Variants in CDC42SE2 observed in about 807,000 individuals in gnomAD.
CDC42SE2 encodes CDC42 small effector protein 2.
Under a neutral mutation model 11.5 loss-of-function variants are expected in CDC42SE2, and 3 were observed. The ratio of observed to expected loss-of-function variants is 0.26; its 90% CI spans 0.12 to 0.67. The LOEUF is 0.67. Ranked by LOEUF, CDC42SE2 falls within the 30% of genes least tolerant of loss-of-function variation. CDC42SE2 has a pLI of 0.80. For missense variants in CDC42SE2, 82 were observed against 106.8 expected, an observed-to-expected ratio of 0.77 and a Z score of 1.02; for synonymous variants, 33 against 34.8, an observed-to-expected ratio of 0.95 and a Z score of 0.18.
intron 1 of CDC42SE2, among the ~76,000 whole-genome samples, chr5:131,304,757 A>G (rs1757748419): frequency 6.6e-6 from 1 of 152,120 alleles, no homozygotes; most frequent in Non-Finnish European, 1.5e-5. Context: ...TAGCATTGAG[A>G]TATACTTTTG....
rs1187782232 is a variant in CDC42SE2 at position 131,393,080 on chromosome 5, G to C, written c.*1989G>C. ...GGTGTTAAGCCAGAGTCAGTGGTTT[G>C]TGTTCTCATTAAAATGTTTGTTTAA... On this transcript the variant is annotated 3_prime_UTR_variant, in exon 5 of 5. Coordinates refer to ENST00000505065, the MANE Select transcript of CDC42SE2 (RefSeq NM_001375635.1). The C allele has an allele frequency of 6.6e-6, 1 of 152,340 alleles. No individual in the cohort carries two copies. 9.4% of individuals were successfully genotyped at this position (152,340 alleles called of 1,614,324 possible).
chr5:131,266,622 A>AT lies in CDC42SE2; in HGVS notation c.-455+2462dup, dbSNP rs578090054. Among the ~76,000 whole-genome samples the AT allele has an allele frequency of 2.4e-3, 370 of 151,438 alleles. 7 individuals carry two copies. The highest frequency in any genetic ancestry group is 0.02 in the Admixed American group (305 of 15,204). ...TTACAGACATGCGCCACTATGCCCTATTTTTTGTATTTTCAAAAAGAGACG... is the reference window on the plus strand; with the variant it reads ...TTACAGACATGCGCCACTATGCCCTATTTTTTTGTATTTTCAAAAAGAGACG... On this transcript the variant is annotated intron_variant, in intron 1 of 4. Transcript: ENST00000505065.
intron 1 of CDC42SE2, among the ~76,000 whole-genome samples, chr5:131,299,270 C>T (rs955894998): frequency 6.6e-6 from 1 of 152,064 alleles, no homozygotes; most frequent in Non-Finnish European, 1.5e-5. Flanking sequence ...TCATTCTAGC[C>T]AAAATGGGGA....
intron 2 of CDC42SE2, among the ~76,000 whole-genome samples, chr5:131,340,018 A>G (rs1391400291): frequency 6.6e-6 from 1 of 152,228 alleles, no homozygotes; most frequent in Non-Finnish European, 1.5e-5. Context: ...TTTGTATTCA[A>G]ATGACCAAGA....
chr5:131,302,680 G>A (rs1268479502), intron 1 of CDC42SE2, among the ~76,000 whole-genome samples: 1 of 152,136 alleles, frequency 6.6e-6, no homozygotes, highest in African/African-American at 2.4e-5. Context: ...GTCTGGACAT[G>A]TTTTCATTTC....
chr5:131,274,119 T>C (rs929366552), intron 1 of CDC42SE2, among the ~76,000 whole-genome samples: 4 of 152,198 alleles, frequency 2.6e-5, no homozygotes, highest in African/African-American at 9.7e-5. Context: ...CTGGATCTGT[T>C]TCCTACCTCC....
intron 1 of CDC42SE2, among the ~76,000 whole-genome samples, chr5:131,311,348 C>T (rs1284085077): frequency 6.6e-6 from 1 of 151,942 alleles, no homozygotes; most frequent in Non-Finnish European, 1.5e-5. Context: ...GTGGGTAACC[C>T]GACTTTTCTC....
At chr5:131,231,876 C>G in the CDC42SE2 span, among the ~76,000 whole-genome samples, 1 of 151,554 alleles carries the variant, frequency 6.6e-6, no homozygotes, top group Non-Finnish European at 1.5e-5. Context: ...ACTGCAACCT[C>G]CACCTCCCAG....
At chr5:131,304,512 A>G (rs1278517063) in intron 1 of CDC42SE2, among the ~76,000 whole-genome samples, 4 of 152,216 alleles carry the variant, frequency 2.6e-5, no homozygotes, top group African/African-American at 4.8e-5. Flanking sequence ...CATGACACTC[A>G]TTGAATGATT....
At chr5:131,276,010 A>G (rs1286720688) in intron 1 of CDC42SE2, among the ~76,000 whole-genome samples, 1 of 152,134 alleles carries the variant, frequency 6.6e-6, no homozygotes, top group Non-Finnish European at 1.5e-5. Context: ...TGTACATACT[A>G]AAACTGCAAT....
At chr5:131,270,340 A>C (rs546343125) in intron 1 of CDC42SE2, among the ~76,000 whole-genome samples, 1 of 152,312 alleles carries the variant, frequency 6.6e-6, no homozygotes, top group African/African-American at 2.4e-5. Flanking sequence ...ACGCCATTGC[A>C]CTCCAGCCTG....
Position 131,270,250 on chromosome 5 carries a change from C to T in CDC42SE2, c.-455+6084C>T, listed in dbSNP as rs185471313. Among the ~76,000 whole-genome samples, 258 of 152,022 alleles carry T rather than the reference C, an allele frequency of 1.7e-3. 3 individuals carry two copies. Among genetic ancestry groups the T allele is most frequent in the Non-Finnish European group, 1.2e-3 (80 of 67,982 alleles). ...ATTATCCGGGCGTGGTGGCAGGCACCTGTAGTCCCAGATACTAGGGAGGCT... is the reference window on the plus strand; with the variant it reads ...ATTATCCGGGCGTGGTGGCAGGCACTTGTAGTCCCAGATACTAGGGAGGCT... On this transcript the variant is annotated intron_variant, in intron 1 of 4. Transcript: ENST00000505065.
At chr5:131,254,691 A>AG in intron 1 of CDC42SE2, among the ~76,000 whole-genome samples, 1 of 8,618 alleles carries the variant, frequency 1.2e-4, no homozygotes, top group Non-Finnish European at 1.6e-4. Context: ...TAACTTAGAA[A>AG]GAAAAAAGCT....
chr5:131,288,109 G>T lies in CDC42SE2; in HGVS notation c.-455+23943G>T, dbSNP rs1052497303. 5.9e-5 allele frequency among the ~76,000 whole-genome samples: 9 copies of T among 151,816 alleles called. No homozygotes were observed. In the South Asian group the frequency reaches 1.0e-3, roughly 17 times the overall value. On this transcript the variant is annotated intron_variant, in intron 1 of 4. Coordinates refer to ENST00000505065, the MANE Select transcript of CDC42SE2 (RefSeq NM_001375635.1). ...AAAAGTAAATAAATAAATTAGCTTG[G>T]CATGGTGGTCCCAGCTACTTAGAAG... is the stretch of plus-strand genomic sequence containing the variant.
intron 1 of CDC42SE2, among the ~76,000 whole-genome samples, chr5:131,273,745 C>G (rs1403514160): frequency 6.6e-6 from 1 of 150,984 alleles, no homozygotes; most frequent in Non-Finnish European, 1.5e-5. Context: ...TGCACTCCAG[C>G]CTGGCGACAG....
intron 1 of CDC42SE2, among the ~76,000 whole-genome samples, chr5:131,276,634 C>A (rs190166176): frequency 6.6e-6 from 1 of 151,900 alleles, no homozygotes; most frequent in Non-Finnish European, 1.5e-5. Context: ...ACTTTCATAT[C>A]GCCACAATGT....
chr5:131,354,359 A>G lies in CDC42SE2; in HGVS notation c.-285-4850A>G, dbSNP rs117660373. Among the ~76,000 whole-genome samples the G allele has an allele frequency of 1.9e-3, 291 of 152,318 alleles. 4 individuals carry two copies. The East Asian group carries it at 0.031, about 16-fold the overall frequency. On this transcript the variant is annotated intron_variant, in intron 2 of 4. Coordinates refer to ENST00000505065, the MANE Select transcript of CDC42SE2 (RefSeq NM_001375635.1). ...AGAAGTGGAACACTGTCAGCATTCC[A>G]GGAGCCCATAAGCACCTCTTCCTAT...
chr5:131,232,516 TA>T, the CDC42SE2 span, among the ~76,000 whole-genome samples: 1 of 152,014 alleles, frequency 6.6e-6, no homozygotes, highest in Non-Finnish European at 1.5e-5. Flanking sequence ...GTGGATTACC[TA>T]AGATCAGGGA....
chr5:131,293,300 G>A (rs1314405492), intron 1 of CDC42SE2, among the ~76,000 whole-genome samples: 3 of 152,178 alleles, frequency 2.0e-5, no homozygotes, highest in East Asian at 1.9e-4. Flanking sequence ...AGCCGGGCAC[G>A]GTGGCTCACG....
Sources: allele counts gnomAD v4.1 joint callset (sites outside exome capture counted in the v4.1 genomes callset), GRCh38; gene constraint gnomAD v4.1.1; transcripts MANE v1.5; gene names NCBI Gene and HGNC (gene_info 2026-07-23, HGNC 2026-07-21).